Variants in C8orf34 observed in about 807,000 individuals in gnomAD.
C8orf34 encodes chromosome 8 open reading frame 34, also known as uncharacterized protein C8orf34.
A neutral mutation model predicts 68.3 loss-of-function variants in C8orf34; 65 were observed. The ratio of observed to expected loss-of-function variants is 0.95; its 90% CI spans 0.78 to 1.17. C8orf34 has a LOEUF of 1.17. Among genes scored for constraint, C8orf34 ranks in the 50% most tolerant of loss-of-function variants. C8orf34 has a pLI of 0.00. For synonymous variants in C8orf34, 244 were observed against 241.2 expected, an observed-to-expected ratio of 1.01 and a Z score of -0.11; for missense variants, 664 against 655.4, an observed-to-expected ratio of 1.01 and a Z score of -0.14.
At chr8:68,711,899 T>A (rs1821339261) in intron 9 of C8orf34, among the ~76,000 whole-genome samples, 1 of 152,014 alleles carries the variant, frequency 6.6e-6, no homozygotes, top group East Asian at 1.9e-4. Context: ...TTATCTAAAG[T>A]CAAGATGAAG....
At chr8:68,702,769 T>A (rs1255040820) in intron 8 of C8orf34, among the ~76,000 whole-genome samples, 1 of 152,168 alleles carries the variant, frequency 6.6e-6, no homozygotes, top group African/African-American at 2.4e-5. Context: ...AAGGGAATTA[T>A]ATCACCTTAT....
At chr8:68,519,708 T>A (rs979418589) in intron 5 of C8orf34, among the ~76,000 whole-genome samples, 15 of 152,198 alleles carry the variant, frequency 9.9e-5, no homozygotes, top group Admixed American at 7.2e-4. Context: ...ACAAATTTTT[T>A]AAAAAATGGT....
intron 10 of C8orf34, among the ~76,000 whole-genome samples, chr8:68,754,104 A>G (rs1430078303): frequency 6.6e-6 from 1 of 151,982 alleles, no homozygotes; most frequent in South Asian, 2.1e-4. Flanking sequence ...GGAAAAAAAA[A>G]TCACTTAAAA....
chr8:68,446,528 A>G (rs1811132718), intron 3 of C8orf34, 68 bp downstream of exon 3: 2 of 1,527,408 alleles, frequency 1.3e-6, no homozygotes, highest in Admixed American at 4.3e-5. Context: ...AAATGAAGAA[A>G]AGGTATTAAT....
At chr8:68,369,665 C>CCA (rs1399360973) in intron 1 of C8orf34, among the ~76,000 whole-genome samples, 46 of 152,080 alleles carry the variant, frequency 3.0e-4, no homozygotes, top group African/African-American at 1.1e-3. Context: ...AACTGATGTC[C>CCA]CATAGTAAGG....
intron 7 of C8orf34, among the ~76,000 whole-genome samples, chr8:68,539,827 C>A (rs1369795828): frequency 6.6e-6 from 1 of 151,768 alleles, no homozygotes; most frequent in Non-Finnish European, 1.5e-5. Flanking sequence ...GCACTCCACC[C>A]TGGGCAACAG....
chr8:68,356,341 G>C (rs979170890), intron 1 of C8orf34, among the ~76,000 whole-genome samples: 1 of 151,862 alleles, frequency 6.6e-6, no homozygotes, highest in African/African-American at 2.4e-5. Flanking sequence ...TACACCAATT[G>C]GTACATATTT....
At chr8:68,721,484 T>G in intron 10 of C8orf34, 47 bp downstream of exon 10, 3 of 1,191,944 alleles carry the variant, frequency 2.5e-6, no homozygotes, top group Non-Finnish European at 2.5e-6. Context: ...AAAACTAATT[T>G]AAATTACTAG....
chr8:68,614,916 CA>C (rs1818152012), intron 7 of C8orf34, among the ~76,000 whole-genome samples: 1 of 142,910 alleles, frequency 7.0e-6, no homozygotes, highest in Non-Finnish European at 1.6e-5. Flanking sequence ...TCTTCCTACC[CA>C]TGAGCATGGA....
At chr8:68,420,438 G>T (rs1809913558) in intron 1 of C8orf34, among the ~76,000 whole-genome samples, 1 of 151,992 alleles carries the variant, frequency 6.6e-6, no homozygotes. Context: ...GCATCCACAG[G>T]TACCAGGCGC....
At chr8:68,538,680 A>G (rs1200434710) in intron 7 of C8orf34, among the ~76,000 whole-genome samples, 1 of 152,188 alleles carries the variant, frequency 6.6e-6, no homozygotes, top group Non-Finnish European at 1.5e-5. Flanking sequence ...AATAAAATTA[A>G]AGGCTTGAAA....
Position 68,737,311 on chromosome 8 carries a change from CT to C in C8orf34, c.1404+15876del, listed in dbSNP as rs371020847. 2.6e-4 allele frequency among the ~76,000 whole-genome samples: 40 copies of C among 152,208 alleles called. No homozygotes were observed. In the East Asian group the frequency reaches 7.5e-3, roughly 29 times the overall value. ...AAACCTTTTTCCCAGGCATTTATCA[CT>C]TGTTCTTTTATGCAAATATTCATTA... is the stretch of plus-strand genomic sequence containing the variant. On this transcript the variant is annotated intron_variant, in intron 10 of 13. Transcript: ENST00000518698.
chr8:68,468,756 T>G lies in C8orf34; in HGVS notation c.672T>G (p.Asp224Glu). Reference protein sequence around the residue: ...WRTKPQSRDFDELNHILQESK... With the variant: ...WRTKPQSRDFEELNHILQESK... ...CTAAACCACAAAGCCGTGATTTTGA[T>G]GAATTGAATCACATCCTTCAGGAGA... The change falls in exon 4 of 14, where the codon GAT becomes GAG. Residue 224 changes from aspartate (D) to glutamate (E), a missense_variant. Physicochemically the swap from Asp to Glu is conservative, Grantham distance 45 (BLOSUM62 2). Transcript: ENST00000518698. 1 of 1,612,872 alleles carries G rather than the reference T, an allele frequency of 6.2e-7. No individual in the cohort carries two copies. The highest frequency in any genetic ancestry group is 8.5e-7 in the Non-Finnish European group (1 of 1,179,250).
chr8:68,428,985 A>C (rs1422433358), intron 1 of C8orf34, among the ~76,000 whole-genome samples: 1 of 152,174 alleles, frequency 6.6e-6, no homozygotes, highest in African/African-American at 2.4e-5. Flanking sequence ...AAACAGTGAA[A>C]CTTTAGAAAA....
chr8:68,449,218 CA>C (rs1047812125), intron 3 of C8orf34, among the ~76,000 whole-genome samples: 4 of 151,992 alleles, frequency 2.6e-5, no homozygotes, highest in Non-Finnish European at 5.9e-5. Context: ...TGAAGAGAGG[CA>C]AAAACTTTTT....
chr8:68,732,644 T>C (rs1430561732), intron 10 of C8orf34, among the ~76,000 whole-genome samples: 2 of 152,218 alleles, frequency 1.3e-5, no homozygotes, highest in South Asian at 2.1e-4. Context: ...CCATTCATTT[T>C]ATACAGTTTT....
intron 10 of C8orf34, among the ~76,000 whole-genome samples, chr8:68,773,612 C>T (rs114231284): frequency 9.2e-5 from 14 of 151,974 alleles, no homozygotes; most frequent in Non-Finnish European, 1.6e-4. Context: ...GTTGGCCAGG[C>T]TGACCTCAAG....
rs574297791 is a variant in C8orf34 at position 68,556,655 on chromosome 8, G to A, written c.1105+23506G>A. ...GGCCTGCTGGAGAGGACGACCCTGC[G>A]AATCAGACCATTACCCAGGGATCCT... On this transcript the variant is annotated intron_variant, in intron 7 of 13. Coordinates refer to ENST00000518698, the MANE Select transcript of C8orf34 (RefSeq NM_052958.4). 2.6e-5 allele frequency among the ~76,000 whole-genome samples: 4 copies of A among 152,204 alleles called. No homozygotes were observed. In the South Asian group the frequency reaches 8.3e-4, roughly 32 times the overall value.
rs1448003603 is a variant in C8orf34 at position 68,818,526 on chromosome 8, A to T, written c.*280A>T. On this transcript the variant is annotated 3_prime_UTR_variant, in exon 14 of 14. Coordinates refer to ENST00000518698, the MANE Select transcript of C8orf34 (RefSeq NM_052958.4). ...ACTTTATAAATAGTTATTAAGATTA[A>T]TATTTGATATATTAAATATTGCCTG... 1 of 312,198 alleles carries T rather than the reference A, an allele frequency of 3.2e-6. No homozygotes were observed. Among genetic ancestry groups the T allele is most frequent in the East Asian group, 5.5e-5 (1 of 18,098 alleles). The allele number at this position is 312,198 out of a possible 1,614,324, so 19.3% of individuals were successfully genotyped here. A position where few individuals can be genotyped will look rare whatever the true frequency, so the allele number is the denominator to read the frequency against.
Sources: gnomAD v4.1 joint callset for allele counts (sites outside exome capture counted in the v4.1 genomes callset) on GRCh38, gnomAD v4.1.1 for gene constraint, MANE v1.5 for transcripts, NCBI Gene and HGNC (gene_info 2026-07-23, HGNC 2026-07-21) for gene names.